SLC9A9: variants seen among roughly 807,000 people sequenced by gnomAD.
The protein encoded by SLC9A9 is solute carrier family 9 member A9, also known as sodium/hydrogen exchanger 9.
Under a neutral mutation model 77.8 loss-of-function variants are expected in SLC9A9, and 62 were observed. The ratio of observed to expected loss-of-function variants is 0.80; its 90% CI spans 0.65 to 0.98. SLC9A9 has a LOEUF of 0.98. Ranked by LOEUF, SLC9A9 falls within the 50% of genes least tolerant of loss-of-function variation. SLC9A9 has a pLI of 0.00. For synonymous variants in SLC9A9, 320 were observed against 283.5 expected (o/e 1.13, Z -1.29); for missense variants, 775 against 774.9 (o/e 1.00, Z 0.00).
At chr3:143,812,488 G>A (rs59128890) in intron 2 of SLC9A9, among the ~76,000 whole-genome samples, 12,387 of 152,248 alleles carry the variant, frequency 0.081, 1,446 homozygotes, top group African/African-American at 0.26. Flanking sequence ...AGAGCAAGGT[G>A]CAGAATGGCA....
chr3:143,657,760 T>C (rs570057609), intron 5 of SLC9A9, among the ~76,000 whole-genome samples: 2 of 152,234 alleles, frequency 1.3e-5, no homozygotes, highest in Admixed American at 6.5e-5. Flanking sequence ...GGTAAAAATA[T>C]GTTATTTATA....
intron 10 of SLC9A9, among the ~76,000 whole-genome samples, chr3:143,495,050 T>C (rs2035809604): frequency 6.6e-6 from 1 of 152,264 alleles, no homozygotes; most frequent in Non-Finnish European, 1.5e-5. Flanking sequence ...TTCATAATTA[T>C]AGTTAAACAT....
Position 143,586,616 on chromosome 3 carries a change from C to A in SLC9A9, c.756-7893G>T, listed in dbSNP as rs2037545819. Among the ~76,000 whole-genome samples, 4 of 152,138 alleles carry A rather than the reference C, an allele frequency of 2.6e-5. No individual in the cohort carries two copies. In the South Asian group the frequency reaches 8.3e-4, roughly 32 times the overall value. ...TCTTTTAATAACTGTACCAACCTGCCCTTTCTCAGATAAGTTGCTTAATTA... is the reference window on the plus strand; with the variant it reads ...TCTTTTAATAACTGTACCAACCTGCACTTTCTCAGATAAGTTGCTTAATTA... On this transcript the variant is annotated intron_variant, in intron 6 of 15. Coordinates refer to ENST00000316549, the MANE Select transcript of SLC9A9 (RefSeq NM_173653.4).
chr3:143,467,922 G>A (rs4276181), intron 11 of SLC9A9, among the ~76,000 whole-genome samples: 25,838 of 152,138 alleles, frequency 0.17, 3,568 homozygotes, highest in African/African-American at 0.38. Context: ...GAACCATGCA[G>A]TATATAGTCT....
At chr3:143,566,903 A>AT (rs1419852463) in intron 8 of SLC9A9, among the ~76,000 whole-genome samples, 1 of 152,084 alleles carries the variant, frequency 6.6e-6, no homozygotes, top group Admixed American at 6.6e-5. Context: ...TTTTCAAACA[A>AT]CCTGTCCAGC....
intron 14 of SLC9A9, among the ~76,000 whole-genome samples, chr3:143,337,523 T>C (rs527884846): frequency 6.6e-6 from 1 of 152,338 alleles, no homozygotes; most frequent in South Asian, 2.1e-4. Context: ...GCAGAGCAGC[T>C]CCTTCACAGG....
intron 14 of SLC9A9, among the ~76,000 whole-genome samples, chr3:143,334,317 T>C (rs1342053209): frequency 2.0e-5 from 3 of 152,230 alleles, no homozygotes; most frequent in African/African-American, 7.2e-5. Flanking sequence ...TCTCTGATTT[T>C]ACGATCCTGG....
At chr3:143,438,992 T>A (rs1319042580) in intron 12 of SLC9A9, among the ~76,000 whole-genome samples, 1 of 152,244 alleles carries the variant, frequency 6.6e-6, no homozygotes, top group Non-Finnish European at 1.5e-5. Flanking sequence ...ATTTCTTTAA[T>A]TCTTCAGCAT....
Position 143,552,437 on chromosome 3 carries a change from A to G in SLC9A9, c.1014T>C (p.Val338=), listed in dbSNP as rs2036907535. ...EAAGLTGIVA[V]LFCGVTQAHY... ...GTGCTTGTGTGACTCCACAGAAGAG[A>G]ACAGCAACTATCCCTGAAATTAAAA... The change falls in exon 9 of 16, where the codon GTT becomes GTC. Residue 338 remains valine (V), a synonymous_variant. Coordinates refer to ENST00000316549, the MANE Select transcript of SLC9A9 (RefSeq NM_173653.4). The G allele has an allele frequency of 6.2e-7, 1 of 1,612,928 alleles. No individual in the cohort carries two copies. Among genetic ancestry groups the G allele is most frequent in the South Asian group, 1.1e-5 (1 of 91,062 alleles).
chr3:143,695,134 A>G (rs1235778317), intron 4 of SLC9A9, among the ~76,000 whole-genome samples: 1 of 152,132 alleles, frequency 6.6e-6, no homozygotes, highest in African/African-American at 2.4e-5. Context: ...CTTGACAAGT[A>G]TAGGGTAGCT....
chr3:143,836,329 T>TCTGTG (rs1456642205), intron 1 of SLC9A9, among the ~76,000 whole-genome samples: 5 of 152,244 alleles, frequency 3.3e-5, no homozygotes, highest in Non-Finnish European at 5.9e-5. Context: ...GGGCAGAGGC[T>TCTGTG]CTGTGCTATT....
chr3:143,815,938 G>A (rs940003274), intron 2 of SLC9A9, among the ~76,000 whole-genome samples: 5 of 152,142 alleles, frequency 3.3e-5, no homozygotes, highest in African/African-American at 9.6e-5. Flanking sequence ...CAGAGAGATC[G>A]AGAGACATGT....
At chr3:143,470,916 A>T (rs1051568030) in intron 11 of SLC9A9, among the ~76,000 whole-genome samples, 1 of 152,234 alleles carries the variant, frequency 6.6e-6, no homozygotes, top group African/African-American at 2.4e-5. Context: ...TGACTTTTGA[A>T]AAAATCTATA....
At chr3:143,642,728 C>T (rs1203380131) in intron 6 of SLC9A9, among the ~76,000 whole-genome samples, 1 of 152,188 alleles carries the variant, frequency 6.6e-6, no homozygotes, top group Non-Finnish European at 1.5e-5. Flanking sequence ...TATCTCTTAA[C>T]TAGCCTTTCA....
chr3:143,487,226 A>C (rs2035667634), intron 11 of SLC9A9, among the ~76,000 whole-genome samples: 4 of 152,016 alleles, frequency 2.6e-5, no homozygotes, highest in African/African-American at 7.2e-5. Flanking sequence ...AACAATTATA[A>C]ACAATTATAA....
intron 6 of SLC9A9, among the ~76,000 whole-genome samples, chr3:143,606,428 C>CTATATATATATATA (rs1473173290): frequency 1.4e-4 from 10 of 69,892 alleles, no homozygotes; most frequent in Non-Finnish European, 2.3e-4. Flanking sequence ...CTCTCTCTCT[C>CTATATATATATATA]TCTCTCTCTA....
chr3:143,421,850 G>A (rs983151300), intron 12 of SLC9A9, among the ~76,000 whole-genome samples: 1 of 152,080 alleles, frequency 6.6e-6, no homozygotes, highest in Admixed American at 6.5e-5. Flanking sequence ...GTCAACAAAG[G>A]TCTAATACCA....
At chr3:143,435,810 G>A (rs2034611844) in intron 12 of SLC9A9, among the ~76,000 whole-genome samples, 1 of 152,074 alleles carries the variant, frequency 6.6e-6, no homozygotes, top group African/African-American at 2.4e-5. Flanking sequence ...GTGCCACACA[G>A]CCTGAAACAG....
rs2037484360 is a variant in SLC9A9, at chr3:143,583,155, A to G, written c.756-4432T>C. ...GTGACAGAGCAAGACCTTGTCTCAAAATAAATAAATAAAAATATATATAAA... is the reference window on the plus strand; with the variant it reads ...GTGACAGAGCAAGACCTTGTCTCAAGATAAATAAATAAAAATATATATAAA... On this transcript the variant is annotated intron_variant, in intron 6 of 15. Coordinates refer to ENST00000316549, the MANE Select transcript of SLC9A9 (RefSeq NM_173653.4). Among the ~76,000 whole-genome samples the G allele has an allele frequency of 2.0e-5, 3 of 152,024 alleles. No individual in the cohort carries two copies. The South Asian group carries it at 6.2e-4, about 32-fold the overall frequency.
Sources: gnomAD v4.1 joint callset for allele counts (sites outside exome capture counted in the v4.1 genomes callset) on GRCh38, gnomAD v4.1.1 for gene constraint, MANE v1.5 for transcripts, NCBI Gene and HGNC (gene_info 2026-07-23, HGNC 2026-07-21) for gene names.